The following NCAM2 variants were observed in gnomAD, a reference collection of about 807,000 sequenced individuals.
NCAM2 encodes N-CAM-2.
In NCAM2, 30 loss-of-function variants were observed where a neutral mutation model predicts 98.1. That is an observed-to-expected ratio of 0.31 (90% confidence interval 0.23 to 0.41). The LOEUF (loss-of-function observed/expected upper bound fraction) is 0.41. Ranked by LOEUF, NCAM2 falls within the 10% of genes least tolerant of loss-of-function variation. NCAM2 has a pLI of 1.00. For synonymous variants in NCAM2, 368 were observed against 342.4 expected (o/e 1.07, Z -0.83); for missense variants, 867 against 1,005.8 (o/e 0.86, Z 1.87).
chr21:21,276,098 T>C (rs371583226), intron 1 of NCAM2, among the ~76,000 whole-genome samples: 35 of 152,200 alleles, frequency 2.3e-4, no homozygotes, highest in African/African-American at 8.4e-4. Flanking sequence ...CTATGGCATT[T>C]TTTATCTTTT....
chr21:21,371,837 G>T (rs895947588), intron 8 of NCAM2, among the ~76,000 whole-genome samples: 1 of 151,074 alleles, frequency 6.6e-6, no homozygotes, highest in Non-Finnish European at 1.5e-5. Context: ...CGCAGTGCCT[G>T]GTTGCTTATT....
chr21:21,047,170 A>G (rs1317380091), intron 1 of NCAM2, among the ~76,000 whole-genome samples: 1 of 152,188 alleles, frequency 6.6e-6, no homozygotes, highest in African/African-American at 2.4e-5. Context: ...TTACTTGGAA[A>G]CACTCTAAGG....
chr21:21,205,792 T>C (rs919249401), intron 1 of NCAM2, among the ~76,000 whole-genome samples: 3 of 152,128 alleles, frequency 2.0e-5, no homozygotes, highest in African/African-American at 7.2e-5. Flanking sequence ...CAAGATTAGG[T>C]GTCAGCAGAT....
At chr21:21,292,603 C>T (rs1477666975) in intron 5 of NCAM2, among the ~76,000 whole-genome samples, 2 of 151,846 alleles carry the variant, frequency 1.3e-5, no homozygotes, top group Non-Finnish European at 2.9e-5. Context: ...ATATTTTACT[C>T]TACATGTTTC....
At chr21:21,476,705 G>A (rs17806376) in intron 14 of NCAM2, among the ~76,000 whole-genome samples, 3,130 of 151,974 alleles carry the variant, frequency 0.021, 47 homozygotes, top group South Asian at 0.064. Flanking sequence ...ATAGGATGGC[G>A]TTGTTTTATA....
intron 1 of NCAM2, among the ~76,000 whole-genome samples, chr21:21,147,982 C>T (rs1371095325): frequency 6.6e-6 from 1 of 151,738 alleles, no homozygotes; most frequent in African/African-American, 2.4e-5. Context: ...ACCTGAGAAC[C>T]GGGGGCACTG....
At chr21:21,347,451 A>G (rs1364908755) in intron 8 of NCAM2, among the ~76,000 whole-genome samples, 1 of 151,954 alleles carries the variant, frequency 6.6e-6, no homozygotes, top group Non-Finnish European at 1.5e-5. Flanking sequence ...ACAGCATGGT[A>G]CAGGAAGAAA....
intron 8 of NCAM2, among the ~76,000 whole-genome samples, chr21:21,363,184 A>G (rs189786527): frequency 1.3e-5 from 2 of 152,294 alleles, no homozygotes; most frequent in African/African-American, 4.8e-5. Context: ...AACATATCAT[A>G]CACAAGTTTA....
intron 1 of NCAM2, among the ~76,000 whole-genome samples, chr21:21,195,351 A>C (rs2068967433): frequency 6.6e-6 from 1 of 152,336 alleles, no homozygotes; most frequent in South Asian, 2.1e-4. Flanking sequence ...CTACAGATAA[A>C]GCTTTGAGTA....
chr21:21,188,255 A>C (rs1350675908), intron 1 of NCAM2, among the ~76,000 whole-genome samples: 1 of 152,312 alleles, frequency 6.6e-6, no homozygotes, highest in East Asian at 1.9e-4. Flanking sequence ...CTATTTAGAT[A>C]TAGGTTAAGA....
chr21:21,367,162 T>C (rs1257070272), intron 8 of NCAM2, among the ~76,000 whole-genome samples: 4 of 152,050 alleles, frequency 2.6e-5, no homozygotes. Context: ...TTTCATAGTT[T>C]TGTGACATGA....
chr21:21,348,687 A>G (rs1568963465), intron 8 of NCAM2, among the ~76,000 whole-genome samples: 2 of 152,176 alleles, frequency 1.3e-5, no homozygotes, highest in Non-Finnish European at 2.9e-5. Context: ...TTCAAATGAT[A>G]CTATAGAGCT....
At chr21:21,180,670 C>T (rs1458565547) in intron 1 of NCAM2, among the ~76,000 whole-genome samples, 4 of 151,822 alleles carry the variant, frequency 2.6e-5, no homozygotes, top group African/African-American at 4.8e-5. Context: ...AGTTTTTTAT[C>T]TATTCAAACA....
intron 12 of NCAM2, among the ~76,000 whole-genome samples, chr21:21,456,410 A>T (rs1231410238): frequency 3.9e-5 from 6 of 152,192 alleles, no homozygotes; most frequent in Admixed American, 2.0e-4. Context: ...AACTATAAGG[A>T]AAATGCTGAA....
chr21:21,266,489 T>G (rs920714385), intron 1 of NCAM2, among the ~76,000 whole-genome samples: 1 of 151,976 alleles, frequency 6.6e-6, no homozygotes, highest in Non-Finnish European at 1.5e-5. Flanking sequence ...CCATAAATGG[T>G]AGACGTATTA....
At chr21:21,349,233 A>G (rs1439844890) in intron 8 of NCAM2, among the ~76,000 whole-genome samples, 1 of 152,186 alleles carries the variant, frequency 6.6e-6, no homozygotes, top group Admixed American at 6.5e-5. Flanking sequence ...ATTCTATAGA[A>G]AAAATATAAT....
chr21:21,318,728 A>T (rs556116775), intron 5 of NCAM2, among the ~76,000 whole-genome samples: 1 of 152,190 alleles, frequency 6.6e-6, no homozygotes, highest in South Asian at 2.1e-4. Flanking sequence ...AGAATTTATT[A>T]TGTAAACAAA....
chr21:21,124,067 C>T (rs1243752493), intron 1 of NCAM2, among the ~76,000 whole-genome samples: 2 of 76,934 alleles, frequency 2.6e-5, no homozygotes, highest in Non-Finnish European at 4.9e-5. Context: ...AGGATGGTAT[C>T]GATCTCTTGA....
intron 12 of NCAM2, among the ~76,000 whole-genome samples, chr21:21,465,322 C>T (rs766754559): frequency 5.3e-4 from 80 of 151,902 alleles, no homozygotes; most frequent in Non-Finnish European, 9.4e-4. Flanking sequence ...TGGCCCACTC[C>T]TGAAATCCAA....
Sources: allele counts gnomAD v4.1 joint callset (sites outside exome capture counted in the v4.1 genomes callset), GRCh38; gene constraint gnomAD v4.1.1; transcripts MANE v1.5; gene names NCBI Gene and HGNC (gene_info 2026-07-23, HGNC 2026-07-21).